EXPH5: variants seen among roughly 807,000 people sequenced by gnomAD.
EXPH5 encodes exophilin-5.
A neutral mutation model predicts 41.1 loss-of-function variants in EXPH5; 42 were observed. That is an observed-to-expected ratio of 1.02 (90% CI 0.80 to 1.32). The LOEUF is 1.32. Among genes scored for constraint, EXPH5 ranks in the 40% most tolerant of loss-of-function variants. The probability of loss-of-function intolerance (pLI) is 0.00; values close to 1 mark genes in which losing one functional copy is unlikely to be tolerated. For synonymous variants in EXPH5, 798 were observed against 833.5 expected (o/e 0.96, Z 0.73); for missense variants, 2,298 against 2,314.5 (o/e 0.99, Z 0.15).
chr11:108,597,998 T>C (rs1486227563), upstream of EXPH5, among the ~76,000 whole-genome samples: 1 of 152,048 alleles, frequency 6.6e-6, no homozygotes, highest in Admixed American at 6.5e-5. Flanking sequence ...TTCTAATGCA[T>C]AGAGGTTAAA....
At chr11:108,599,391 A>G in the EXPH5 span, among the ~76,000 whole-genome samples, 4 of 152,246 alleles carry the variant, frequency 2.6e-5, no homozygotes, top group African/African-American at 7.2e-5. Context: ...CTATAGTTAT[A>G]ATCACAATTG....
the EXPH5 span, among the ~76,000 whole-genome samples, chr11:108,599,431 A>G: frequency 6.6e-6 from 1 of 152,248 alleles, no homozygotes. Context: ...ATGCATACTC[A>G]TAACACAGTT....
chr11:108,506,678 T>C lies in EXPH5; in HGVS notation c.*2859A>G, dbSNP rs1022592582. ...CATAGAAAATGTAGGTCATGGTTTA[T>C]TAAAGTTTTACTTAAATAATCAGAT... On this transcript the variant is annotated 3_prime_UTR_variant, in exon 6 of 6. Coordinates refer to ENST00000265843, the MANE Select transcript of EXPH5 (RefSeq NM_015065.3). 6.6e-6 allele frequency: 1 copy of C among 152,242 alleles called. No homozygotes were observed. The highest frequency in any genetic ancestry group is 2.4e-5 in the African/African-American group (1 of 41,462). 9.4% of individuals were successfully genotyped at this position (152,242 alleles called of 1,614,324 possible). A position where few individuals can be genotyped will look rare whatever the true frequency, so the allele number is the denominator to read the frequency against.
At chr11:108,567,998 T>C (rs1041676671) in intron 1 of EXPH5, 10 of 152,024 alleles carry the variant, frequency 6.6e-5, no homozygotes, top group African/African-American at 2.4e-4. Flanking sequence ...AAAACCAAAA[T>C]CCACAGTGCC....
rs553002066 is a variant in EXPH5, at chr11:108,578,933, A to G, written c.119+14485T>C. Among the ~76,000 whole-genome samples the G allele has an allele frequency of 2.0e-5, 3 of 152,198 alleles. No individual in the cohort carries two copies. In the South Asian group the frequency reaches 6.2e-4, roughly 32 times the overall value. On this transcript the variant is annotated intron_variant, in intron 1 of 5. Transcript: ENST00000265843. ...CTTTAGGATTTTTGTTTTAAATGTAAGATCATATTGTCTGAAAACAAGAAC... is the reference window on the plus strand; with the variant it reads ...CTTTAGGATTTTTGTTTTAAATGTAGGATCATATTGTCTGAAAACAAGAAC...
intron 5 of EXPH5, among the ~76,000 whole-genome samples, chr11:108,516,004 A>G (rs991075146): frequency 4.7e-5 from 7 of 149,806 alleles, no homozygotes; most frequent in Middle Eastern, 3.4e-3. Flanking sequence ...CCCGGGAGGC[A>G]GAGCTTGCAG....
In EXPH5 at chr11:108,509,514, TA is replaced by T. The variant is rs747994877; in HGVS notation, c.*22del. The T allele has an allele frequency of 7.2e-6, 11 of 1,527,910 alleles. 1 individual carries two copies. The Admixed American group carries it at 1.1e-4, about 16-fold the overall frequency. The allele number at this position is 1,527,910 out of a possible 1,614,324, so 94.6% of individuals were successfully genotyped here. A position where few individuals can be genotyped will look rare whatever the true frequency, so the allele number is the denominator to read the frequency against. ...CATTATAAGCTTTTGGTGAAAAAAG[TA>T]AAGCATTTTATTGAAAAAGCCTCAC... is the stretch of plus-strand genomic sequence containing the variant. On this transcript the variant is annotated 3_prime_UTR_variant, in exon 6 of 6. Coordinates refer to ENST00000265843, the MANE Select transcript of EXPH5 (RefSeq NM_015065.3).
At chr11:108,589,850 C>T (rs552290824) in intron 1 of EXPH5, among the ~76,000 whole-genome samples, 1 of 152,180 alleles carries the variant, frequency 6.6e-6, no homozygotes, top group East Asian at 1.9e-4. Flanking sequence ...TTAATTGTTT[C>T]CTTCTCTGTG....
intron 1 of EXPH5, among the ~76,000 whole-genome samples, chr11:108,576,691 G>A (rs1488605690): frequency 2.0e-5 from 3 of 152,266 alleles, no homozygotes; most frequent in African/African-American, 2.4e-5. Flanking sequence ...ATATGAGTAA[G>A]TAAGATATCC....
chr11:108,581,156 T>C (rs2094096773), intron 1 of EXPH5, among the ~76,000 whole-genome samples: 2 of 151,872 alleles, frequency 1.3e-5, no homozygotes, highest in South Asian at 4.2e-4. Context: ...ATAGAAAAAT[T>C]AGCCAGGCGT....
At chr11:108,587,844 C>T (rs1430871089) in intron 1 of EXPH5, among the ~76,000 whole-genome samples, 4 of 152,184 alleles carry the variant, frequency 2.6e-5, no homozygotes, top group African/African-American at 9.7e-5. Context: ...CCTCCACCTC[C>T]TGGGTTCAAG....
In EXPH5 at chr11:108,511,349, G is replaced by A. The variant is rs769343747; in HGVS notation, c.4158C>T (p.Gly1386=). The A allele has an allele frequency of 6.3e-7, 1 of 1,578,796 alleles. No individual in the cohort carries two copies. The highest frequency in any genetic ancestry group is 8.6e-7 in the Non-Finnish European group (1 of 1,166,984). ...LGDSENKKER[G]KKLQSETLHT... ...GCAGGGTTTCACTTTGCAACTTTTTGCCTCTTTCCTTCTTGTTTTCTGAAT... is the reference window on the plus strand; with the variant it reads ...GCAGGGTTTCACTTTGCAACTTTTTACCTCTTTCCTTCTTGTTTTCTGAAT... Residue 1386 remains glycine (G), a synonymous_variant, in exon 6 of 6, where the codon GGC becomes GGT. Transcript: ENST00000265843.
At chr11:108,517,220 G>A (rs1307997760) in intron 5 of EXPH5, among the ~76,000 whole-genome samples, 3 of 152,086 alleles carry the variant, frequency 2.0e-5, no homozygotes, top group Admixed American at 6.5e-5. Flanking sequence ...AAAAATTCCT[G>A]TTCTGCTTCT....
At chr11:108,599,278 GA>G in the EXPH5 span, among the ~76,000 whole-genome samples, 3,794 of 147,386 alleles carry the variant, frequency 0.026, 163 homozygotes, top group African/African-American at 0.088. Flanking sequence ...AGTGGTAAAA[GA>G]AAAAAAAAAG....
In EXPH5 at chr11:108,514,020, C is replaced by G; in HGVS notation, c.1487G>C (p.Ser496Thr). The G allele has an allele frequency of 6.2e-7, 1 of 1,613,896 alleles. No homozygotes were observed. The highest frequency in any genetic ancestry group is 8.5e-7 in the Non-Finnish European group (1 of 1,179,950). Residue 496 changes from serine (S) to threonine (T), a missense_variant, in exon 6 of 6, where the codon AGC (serine) becomes ACC (threonine). Physicochemically the swap from Ser to Thr is moderately conservative, Grantham distance 58. Transcript: ENST00000265843. ...GTCAGAAGAACTGAATGATTTCCTGCTTCGATGAAAGTCAGACCAGAAAGA... is the reference window on the plus strand; with the variant it reads ...GTCAGAAGAACTGAATGATTTCCTGGTTCGATGAAAGTCAGACCAGAAAGA... ...GHSFWSDFHR[S>T]RKSFSSSDRD... is the part of the protein sequence containing the mutation.
chr11:108,561,953 G>A (rs2094013549), intron 1 of EXPH5, among the ~76,000 whole-genome samples: 1 of 152,158 alleles, frequency 6.6e-6, no homozygotes, highest in African/African-American at 2.4e-5. Context: ...TACTAGCCTG[G>A]TTGATTGATT....
chr11:108,557,843 A>C (rs902283576), intron 1 of EXPH5, among the ~76,000 whole-genome samples: 1 of 152,208 alleles, frequency 6.6e-6, no homozygotes, highest in African/African-American at 2.4e-5. Flanking sequence ...CAAGTTAATG[A>C]ATATGAGTTT....
rs1310696481 is a variant in EXPH5 at position 108,509,442 on chromosome 11, C to T, written c.*95G>A. On this transcript the variant is annotated 3_prime_UTR_variant, in exon 6 of 6. Transcript: ENST00000265843. ...CATTTCAGAGCAGACACTGCCCAGA[C>T]TAGATCTTTTATCCTTCCATGCACA... 16 of 1,231,176 alleles carry T rather than the reference C, an allele frequency of 1.3e-5. No individual in the cohort carries two copies. The East Asian group carries it at 3.3e-4, about 25-fold the overall frequency. 76.3% of individuals were successfully genotyped at this position (1,231,176 alleles called of 1,614,324 possible).
rs908573213 is a variant in EXPH5 at position 108,506,284 on chromosome 11, A to C, written c.*3253T>G. ...ACATAGAAATTTGCTATACTTCTTT[A>C]ACAAGTGCTTTATAAAAGTATAAAA... On this transcript the variant is annotated 3_prime_UTR_variant, in exon 6 of 6. Transcript: ENST00000265843. 5.7e-4 allele frequency: 87 copies of C among 152,216 alleles called. No homozygotes were observed. Among genetic ancestry groups the C allele is most frequent in the African/African-American group, 2.0e-3 (84 of 41,460 alleles). The allele number at this position is 152,216 out of a possible 1,614,324, so 9.4% of individuals were successfully genotyped here. A position where few individuals can be genotyped will look rare whatever the true frequency, so the allele number is the denominator to read the frequency against.
Sources: gnomAD v4.1 joint callset for allele counts (sites outside exome capture counted in the v4.1 genomes callset) on GRCh38, gnomAD v4.1.1 for gene constraint, MANE v1.5 for transcripts, NCBI Gene and HGNC (gene_info 2026-07-23, HGNC 2026-07-21) for gene names.